Variants in GLIS3 observed in about 807,000 individuals in gnomAD.
The protein encoded by GLIS3 is zinc finger protein GLIS3.
GLIS3 carries 53 observed loss-of-function variants against 78.6 expected under a neutral mutation model. The ratio of observed to expected loss-of-function variants is 0.67; its 90% CI spans 0.54 to 0.85. The LOEUF is 0.85. GLIS3 is among the 40% of genes least tolerant of loss of function. The probability of loss-of-function intolerance (pLI) is 0.00; values close to 1 mark genes in which losing one functional copy is unlikely to be tolerated. For synonymous variants in GLIS3, 684 were observed against 509.9 expected, an observed-to-expected ratio of 1.34 and a Z score of -4.60; for missense variants, 1,703 against 1,231.1, an observed-to-expected ratio of 1.38 and a Z score of -5.74.
At chr9:4,142,001 C>T (rs1360511516) in intron 2 of GLIS3, among the ~76,000 whole-genome samples, 2 of 152,116 alleles carry the variant, frequency 1.3e-5, no homozygotes, top group Non-Finnish European at 2.9e-5. Context: ...CATCTCTGCA[C>T]CTTGTAGATG....
chr9:4,234,416 G>C (rs1644331072), intron 2 of GLIS3, among the ~76,000 whole-genome samples: 1 of 152,176 alleles, frequency 6.6e-6, no homozygotes, highest in Non-Finnish European at 1.5e-5. Flanking sequence ...GAGAGGGAGA[G>C]AGATAGGGAA....
intron 2 of GLIS3, among the ~76,000 whole-genome samples, chr9:4,187,532 G>A (rs1222659817): frequency 6.6e-6 from 1 of 152,174 alleles, no homozygotes; most frequent in African/African-American, 2.4e-5. Context: ...ATTCTGTGAA[G>A]AAAGTCATTG....
At chr9:4,236,817 T>C (rs1040324940) in intron 2 of GLIS3, among the ~76,000 whole-genome samples, 1 of 152,202 alleles carries the variant, frequency 6.6e-6, no homozygotes, top group African/African-American at 2.4e-5. Flanking sequence ...CATAAGACAA[T>C]GCAAACTGGA....
intron 4 of GLIS3, among the ~76,000 whole-genome samples, chr9:4,112,488 C>A (rs1052110114): frequency 6.6e-6 from 1 of 152,122 alleles, no homozygotes; most frequent in Admixed American, 6.5e-5. Flanking sequence ...TGTTCTCAAC[C>A]TTGACTGCTC....
At chr9:4,254,028 C>T (rs1456372969) in intron 2 of GLIS3, among the ~76,000 whole-genome samples, 3 of 152,162 alleles carry the variant, frequency 2.0e-5, no homozygotes, top group South Asian at 2.1e-4. Context: ...GAGCTGCAGA[C>T]CTGAGTTGTT....
At chr9:4,206,263 G>C (rs1819871212) in intron 2 of GLIS3, among the ~76,000 whole-genome samples, 1 of 152,150 alleles carries the variant, frequency 6.6e-6, no homozygotes, top group Admixed American at 6.6e-5. Context: ...AAAAAGAGGT[G>C]GAAATGTTTC....
At chr9:4,007,439 T>G (rs16920354) in intron 4 of GLIS3, among the ~76,000 whole-genome samples, 1 of 152,076 alleles carries the variant, frequency 6.6e-6, no homozygotes, top group East Asian at 1.9e-4. Flanking sequence ...ACATCCCTCT[T>G]TCTGAATGTC....
At chr9:4,017,359 T>A (rs73388264) in intron 4 of GLIS3, among the ~76,000 whole-genome samples, 1 of 152,208 alleles carries the variant, frequency 6.6e-6, no homozygotes, top group African/African-American at 2.4e-5. Context: ...AAGATGTAAT[T>A]TGGGTGCTGA....
the GLIS3 span, among the ~76,000 whole-genome samples, chr9:4,470,192 C>G: frequency 7.2e-5 from 11 of 152,142 alleles, no homozygotes; most frequent in Non-Finnish European, 1.6e-4. Flanking sequence ...GGAGCTGGTA[C>G]CATTACTTCT....
At position 4,272,807 on chromosome 9, in the gene GLIS3, G is replaced by C. The variant is rs4741934; in HGVS notation, c.388+13231C>G. ...TTAAGATTCTGAATCTAAATGTAAT[G>C]AAACTTTCCCCAAATGTCAGGTGAT... On this transcript the variant is annotated intron_variant, in intron 2 of 10. Transcript: ENST00000381971. 1.3e-3 allele frequency among the ~76,000 whole-genome samples: 200 copies of C among 152,258 alleles called. 1 individual carries two copies. Among genetic ancestry groups the C allele is most frequent in the East Asian group, 0.011 (55 of 5,176 alleles).
At chr9:4,441,594 T>G in the GLIS3 span, among the ~76,000 whole-genome samples, 60 of 152,090 alleles carry the variant, frequency 3.9e-4, no homozygotes, top group Non-Finnish European at 8.2e-4. Context: ...GGATATTGAC[T>G]AGTAGTTTTC....
chr9:4,279,145 C>T (rs10814912), intron 2 of GLIS3, among the ~76,000 whole-genome samples: 35,701 of 150,966 alleles, frequency 0.24, 4,558 homozygotes, highest in Admixed American at 0.27. Flanking sequence ...AATAAAAATA[C>T]AAAAGTTTCC....
At chr9:4,257,665 C>T (rs2129966751) in intron 2 of GLIS3, among the ~76,000 whole-genome samples, 1 of 151,990 alleles carries the variant, frequency 6.6e-6, no homozygotes, top group African/African-American at 2.4e-5. Context: ...GCTCCGCCTC[C>T]CGGGTTCAGG....
the GLIS3 span, among the ~76,000 whole-genome samples, chr9:4,480,539 G>C: frequency 1.3e-5 from 2 of 152,122 alleles, no homozygotes; most frequent in South Asian, 4.2e-4. Flanking sequence ...GAGGAATATG[G>C]CATATTCTTT....
At chr9:4,370,989 A>G in the GLIS3 span, among the ~76,000 whole-genome samples, 1 of 152,356 alleles carries the variant, frequency 6.6e-6, no homozygotes, top group South Asian at 2.1e-4. Context: ...AAGCTACTGA[A>G]GATGTGAGCC....
the GLIS3 span, among the ~76,000 whole-genome samples, chr9:4,427,417 G>T: frequency 5.3e-5 from 8 of 152,158 alleles, no homozygotes; most frequent in Non-Finnish European, 1.0e-4. Context: ...GTCTTGCAAA[G>T]CAACTTCCAT....
chr9:4,395,703 T>C, the GLIS3 span, among the ~76,000 whole-genome samples: 12 of 152,216 alleles, frequency 7.9e-5, no homozygotes, highest in Non-Finnish European at 1.6e-4. Context: ...ATTTTATGTC[T>C]GATGTCAAGC....
At chr9:4,294,965 T>C (rs926983588) in intron 1 of GLIS3, among the ~76,000 whole-genome samples, 1 of 152,238 alleles carries the variant, frequency 6.6e-6, no homozygotes. Flanking sequence ...GGTGTGACCA[T>C]AATCATGAAT....
At chr9:4,125,657 T>TGTGTG in intron 3 of GLIS3, 77 bp downstream of exon 3, 1 of 969,940 alleles carries the variant, frequency 1.0e-6, no homozygotes, top group Non-Finnish European at 1.7e-6. Context: ...TGTGTGTGTA[T>TGTGTG]TCAGAAAGAG....
Sources: gnomAD v4.1 joint callset for allele counts (sites outside exome capture counted in the v4.1 genomes callset) on GRCh38, gnomAD v4.1.1 for gene constraint, MANE v1.5 for transcripts, NCBI Gene and HGNC (gene_info 2026-07-23, HGNC 2026-07-21) for gene names.